The following PAPPA2 variants were observed in gnomAD, a reference collection of about 807,000 sequenced individuals.
PAPPA2 encodes pappalysin-2.
Under a neutral mutation model 176.4 loss-of-function variants are expected in PAPPA2, and 86 were observed. The observed-to-expected ratio is 0.49, with a 90% confidence interval of 0.41 to 0.58. The LOEUF is 0.58. Ranked by LOEUF, PAPPA2 falls within the 20% of genes least tolerant of loss-of-function variation. The pLI, the probability that PAPPA2 is intolerant of heterozygous loss-of-function variation, is 0.00. For synonymous variants in PAPPA2, 809 were observed against 852.2 expected (o/e 0.95, Z 0.88); for missense variants, 2,073 against 2,256.9 (o/e 0.92, Z 1.65).
intron 3 of PAPPA2, among the ~76,000 whole-genome samples, chr1:176,639,286 A>G (rs1331393511): frequency 6.6e-6 from 1 of 152,052 alleles, no homozygotes; most frequent in Non-Finnish European, 1.5e-5. Flanking sequence ...AATTCTGCCT[A>G]GGGAAGCTCT....
chr1:176,498,149 C>CT (rs1027268718), intron 1 of PAPPA2, among the ~76,000 whole-genome samples: 3 of 152,016 alleles, frequency 2.0e-5, no homozygotes, highest in South Asian at 4.2e-4. Context: ...ACCGTTTTTT[C>CT]TTTTTTTTCT....
At chr1:176,806,198 C>G (rs1665899770) in intron 21 of PAPPA2, among the ~76,000 whole-genome samples, 1 of 152,108 alleles carries the variant, frequency 6.6e-6, no homozygotes, top group Non-Finnish European at 1.5e-5. Context: ...AAATTCAATG[C>G]ATACCTTTGT....
chr1:176,536,853 G>A (rs891963031), intron 1 of PAPPA2, among the ~76,000 whole-genome samples: 2 of 151,956 alleles, frequency 1.3e-5, no homozygotes, highest in African/African-American at 4.8e-5. Context: ...ACCACAAATG[G>A]CATTGGATAT....
chr1:176,671,427 A>G (rs549358212), intron 4 of PAPPA2, among the ~76,000 whole-genome samples: 1 of 152,242 alleles, frequency 6.6e-6, no homozygotes, highest in Non-Finnish European at 1.5e-5. Context: ...GTGGGGAACT[A>G]TCAAAATATC....
chr1:176,739,851 G>A, intron 13 of PAPPA2, 90 bp downstream of exon 13: 2 of 1,573,984 alleles, frequency 1.3e-6, no homozygotes, highest in Non-Finnish European at 1.7e-6. Context: ...ATGTTGTCTG[G>A]GATCTTGCCT....
intron 12 of PAPPA2, among the ~76,000 whole-genome samples, chr1:176,712,781 A>T (rs1430314620): frequency 6.6e-6 from 1 of 152,194 alleles, no homozygotes; most frequent in Non-Finnish European, 1.5e-5. Context: ...GTACTAATGT[A>T]TACTCCCACC....
At chr1:176,652,424 G>T (rs924121035) in intron 3 of PAPPA2, among the ~76,000 whole-genome samples, 5 of 151,618 alleles carry the variant, frequency 3.3e-5, no homozygotes, top group African/African-American at 9.7e-5. Context: ...GATTTACCTT[G>T]GTTCTAGTAA....
At chr1:176,611,617 C>T (rs1178890498) in intron 3 of PAPPA2, among the ~76,000 whole-genome samples, 3 of 152,084 alleles carry the variant, frequency 2.0e-5, no homozygotes, top group Non-Finnish European at 4.4e-5. Flanking sequence ...TATTAGTAGC[C>T]TAGTCCACCA....
intron 4 of PAPPA2, among the ~76,000 whole-genome samples, chr1:176,679,598 A>C (rs1460698451): frequency 6.6e-6 from 1 of 152,166 alleles, no homozygotes; most frequent in Non-Finnish European, 1.5e-5. Context: ...TTCACAGGGC[A>C]TGAAACCAGC....
intron 3 of PAPPA2, among the ~76,000 whole-genome samples, chr1:176,631,049 G>A (rs1439729438): frequency 2.6e-5 from 4 of 152,124 alleles, no homozygotes; most frequent in Admixed American, 6.5e-5. Flanking sequence ...ATGAGGAGAC[G>A]TTAGAAGAAA....
At chr1:176,558,242 T>A (rs918875878) in intron 2 of PAPPA2, among the ~76,000 whole-genome samples, 2 of 152,214 alleles carry the variant, frequency 1.3e-5, no homozygotes, top group African/African-American at 4.8e-5. Context: ...TGCTCTTTCA[T>A]GTTTTCCAGT....
Position 176,844,734 on chromosome 1 carries a change from G to A in PAPPA2, c.*2280G>A, listed in dbSNP as rs547654772. The A allele has an allele frequency of 6.6e-6, 1 of 152,200 alleles. No homozygotes were observed. Among genetic ancestry groups the A allele is most frequent in the Admixed American group, 6.5e-5 (1 of 15,292 alleles). The allele number at this position is 152,200 out of a possible 1,614,324, so 9.4% of individuals were successfully genotyped here. ...GTCCAAATTGCTAGACACATTCTAA[G>A]TTCTGCCTTGGAGAATCCTACTTTG... On this transcript the variant is annotated 3_prime_UTR_variant, in exon 23 of 23. Coordinates refer to ENST00000367662, the MANE Select transcript of PAPPA2 (RefSeq NM_020318.3).
chr1:176,711,874 C>T lies in PAPPA2; in HGVS notation c.3691C>T (p.Pro1231Ser), dbSNP rs1661161735. 3 of 1,612,818 alleles carry T rather than the reference C, an allele frequency of 1.9e-6. No homozygotes were observed. The highest frequency in any genetic ancestry group is 2.5e-6 in the Non-Finnish European group (3 of 1,178,908). ...CCATCCAGATTTACCCAACCACCGT[C>T]CCCTAACTGGCTGGTTTCCCTGTGT... ...SYHPDLPNHR[P>S]LTGWFPCVAS... The change falls in exon 12 of 23, where the codon CCC (proline) becomes TCC (serine). Residue 1231 changes from proline to serine, a missense_variant. Physicochemically the swap from Pro to Ser is moderately conservative, Grantham distance 74 (BLOSUM62 -1). Coordinates refer to ENST00000367662, the MANE Select transcript of PAPPA2 (RefSeq NM_020318.3).
chr1:176,530,647 T>A (rs1015249747), intron 1 of PAPPA2, among the ~76,000 whole-genome samples: 3 of 152,080 alleles, frequency 2.0e-5, no homozygotes, highest in Non-Finnish European at 4.4e-5. Flanking sequence ...CCTTAAATTA[T>A]GTGGTAGAAA....
At chr1:176,698,949 A>G in intron 7 of PAPPA2, 151 bp from the exon 8 acceptor site, 1 of 921,500 alleles carries the variant, frequency 1.1e-6, no homozygotes, top group Non-Finnish European at 1.6e-6. Context: ...TGTTCTTACT[A>G]GTACTTAAGA....
At chr1:176,532,089 A>G (rs1649843427) in intron 1 of PAPPA2, among the ~76,000 whole-genome samples, 1 of 152,208 alleles carries the variant, frequency 6.6e-6, no homozygotes, top group Admixed American at 6.5e-5. Flanking sequence ...AGACCCCGGC[A>G]GAAATAACAA....
At chr1:176,524,969 G>T (rs1279930994) in intron 1 of PAPPA2, among the ~76,000 whole-genome samples, 1 of 152,192 alleles carries the variant, frequency 6.6e-6, no homozygotes, top group Non-Finnish European at 1.5e-5. Flanking sequence ...GTGAATCTGG[G>T]AGGCGGAGCT....
At chr1:176,603,763 C>T (rs1654458852) in intron 3 of PAPPA2, among the ~76,000 whole-genome samples, 1 of 152,216 alleles carries the variant, frequency 6.6e-6, no homozygotes, top group African/African-American at 2.4e-5. Flanking sequence ...CATCTTCACT[C>T]ATCTGGATTA....
intron 3 of PAPPA2, among the ~76,000 whole-genome samples, chr1:176,658,287 G>A (rs1194913816): frequency 1.3e-5 from 2 of 151,912 alleles, no homozygotes; most frequent in Non-Finnish European, 2.9e-5. Context: ...GACTAGAGTG[G>A]ATGTGATATT....
Sources: allele counts gnomAD v4.1 joint callset (sites outside exome capture counted in the v4.1 genomes callset), GRCh38; gene constraint gnomAD v4.1.1; transcripts MANE v1.5; gene names NCBI Gene and HGNC (gene_info 2026-07-23, HGNC 2026-07-21).